NEDD4: variants seen among roughly 807,000 people sequenced by gnomAD.
The protein encoded by NEDD4 is NEDD4 E3 ubiquitin protein ligase.
NEDD4 carries 99 observed loss-of-function variants against 144.9 expected under a neutral mutation model. The ratio of observed to expected loss-of-function variants is 0.68; its 90% CI spans 0.58 to 0.81. The LOEUF is 0.81. Among genes scored for constraint, NEDD4 ranks in the 30% least tolerant of loss-of-function variants. The pLI is 0.00. For missense variants in NEDD4, 985 were observed against 1,065.9 expected (o/e 0.92, Z 1.06); for synonymous variants, 318 against 350.6 (o/e 0.91, Z 1.04).
At chr15:55,960,619 C>T (rs2037408987) in intron 2 of NEDD4, among the ~76,000 whole-genome samples, 1 of 152,284 alleles carries the variant, frequency 6.6e-6, no homozygotes, top group South Asian at 2.1e-4. Flanking sequence ...TGGGACATCA[C>T]TTTGTGATCA....
chr15:55,961,540 G>C (rs1423984105), intron 2 of NEDD4, among the ~76,000 whole-genome samples: 4 of 151,960 alleles, frequency 2.6e-5, no homozygotes, highest in Non-Finnish European at 4.4e-5. Flanking sequence ...GCCCCATCTT[G>C]GCTCACTGCA....
chr15:55,970,090 G>C (rs68111860), intron 1 of NEDD4, among the ~76,000 whole-genome samples: 22,677 of 151,900 alleles, frequency 0.15, 1,839 homozygotes, highest in East Asian at 0.32. Context: ...TTAAAGAGAC[G>C]TTGGGCCCTT....
chr15:55,927,690 A>G (rs1431390130), intron 4 of NEDD4, among the ~76,000 whole-genome samples: 2 of 152,142 alleles, frequency 1.3e-5, no homozygotes, highest in African/African-American at 2.4e-5. Flanking sequence ...TAAAAGGAGA[A>G]ATGACATAAT....
At chr15:55,903,060 T>C (rs1433451978) in intron 5 of NEDD4, among the ~76,000 whole-genome samples, 1 of 152,152 alleles carries the variant, frequency 6.6e-6, no homozygotes, top group African/African-American at 2.4e-5. Context: ...GGTTCTCTGG[T>C]AATGTTTAAT....
chr15:55,959,270 A>C (rs1454549134), intron 2 of NEDD4, among the ~76,000 whole-genome samples: 1 of 152,208 alleles, frequency 6.6e-6, no homozygotes, highest in African/African-American at 2.4e-5. Context: ...TAGATTATTT[A>C]GAAGTATACT....
At chr15:55,915,996 G>A in intron 5 of NEDD4, 5 of 1,613,842 alleles carry the variant, frequency 3.1e-6, no homozygotes, top group Non-Finnish European at 4.2e-6. Flanking sequence ...TGTTGGAGAA[G>A]TCGGTCGGGT....
chr15:55,889,129 C>T (rs1162678626), intron 5 of NEDD4, among the ~76,000 whole-genome samples: 1 of 152,060 alleles, frequency 6.6e-6, no homozygotes, highest in Admixed American at 6.6e-5. Context: ...TTTTGCACAG[C>T]CCACAATAAA....
In NEDD4 at chr15:55,933,304, G is replaced by T. The variant is rs185610376; in HGVS notation, c.238-8605C>A. ...CCAAATGTCCATCAATGATAGACTG[G>T]ATTAAGAAAATGTGGCAGATATACA... On this transcript the variant is annotated intron_variant, in intron 4 of 28. Coordinates refer to ENST00000435532, the MANE Select transcript of NEDD4 (RefSeq NM_006154.4). Among the ~76,000 whole-genome samples the T allele has an allele frequency of 8.0e-4, 122 of 152,112 alleles. 3 individuals carry two copies. The East Asian group carries it at 0.023, about 28-fold the overall frequency.
At chr15:55,985,909 T>C (rs2140452588) in intron 1 of NEDD4, among the ~76,000 whole-genome samples, 1 of 152,212 alleles carries the variant, frequency 6.6e-6, no homozygotes, top group East Asian at 1.9e-4. Flanking sequence ...CTAGGGAAAA[T>C]GGCTGATTGT....
chr15:55,948,557 T>A (rs2037169400), intron 4 of NEDD4, among the ~76,000 whole-genome samples: 1 of 152,026 alleles, frequency 6.6e-6, no homozygotes, highest in African/African-American at 2.4e-5. Flanking sequence ...CAAACTATAC[T>A]ACAAGGCTAC....
At chr15:55,965,625 T>C (rs1239015816) in intron 2 of NEDD4, among the ~76,000 whole-genome samples, 1 of 152,168 alleles carries the variant, frequency 6.6e-6, no homozygotes, top group Non-Finnish European at 1.5e-5. Flanking sequence ...ATTATTCTAC[T>C]TTCCACAACA....
chr15:55,838,637 T>A, intron 21 of NEDD4, 33 bp from the exon 22 acceptor site: 1 of 1,462,266 alleles, frequency 6.8e-7, no homozygotes, highest in East Asian at 2.3e-5. Flanking sequence ...TTAAAATTTG[T>A]ATCTATAACA....
intron 5 of NEDD4, among the ~76,000 whole-genome samples, chr15:55,910,948 A>G (rs1206770438): frequency 1.3e-5 from 2 of 152,018 alleles, no homozygotes; most frequent in East Asian, 3.9e-4. Flanking sequence ...CTTAACTATC[A>G]GCCGAAGACC....
At chr15:55,902,831 G>C (rs1299223967) in intron 5 of NEDD4, among the ~76,000 whole-genome samples, 1 of 152,022 alleles carries the variant, frequency 6.6e-6, no homozygotes. Context: ...GGAAGACAAG[G>C]AAGGAAATAT....
chr15:55,887,005 G>C (rs1455736707), intron 5 of NEDD4, among the ~76,000 whole-genome samples: 1 of 151,324 alleles, frequency 6.6e-6, no homozygotes, highest in Non-Finnish European at 1.5e-5. Context: ...CAGTACTCAG[G>C]GGAAAGTTTA....
intron 5 of NEDD4, among the ~76,000 whole-genome samples, chr15:55,878,928 T>C (rs1026208346): frequency 2.6e-5 from 4 of 152,364 alleles, no homozygotes; most frequent in Non-Finnish European, 5.9e-5. Flanking sequence ...GTTCAAGCGA[T>C]TCTTCTGCCT....
chr15:55,916,735 T>C lies in NEDD4; in HGVS notation c.291+7911A>G, dbSNP rs1912403. 137,502 of 1,614,000 alleles carry C rather than the reference T, an allele frequency of 0.085. 6,494 individuals are homozygous for C. Among genetic ancestry groups the C allele is most frequent in the Non-Finnish European group, 0.097 (114,521 of 1,179,878 alleles). On this transcript the variant is annotated intron_variant, in intron 5 of 28. Transcript: ENST00000435532. ...ATCCGTGTTGGTCTTTTGAAGCACA[T>C]GTGAACATGGCTATCCAAGTCATCT...
chr15:55,924,094 A>C (rs139250178), intron 5 of NEDD4, among the ~76,000 whole-genome samples: 2 of 152,332 alleles, frequency 1.3e-5, no homozygotes, highest in Non-Finnish European at 2.9e-5. Flanking sequence ...ATTTTATAAA[A>C]AGAACATCAG....
chr15:55,947,075 C>A (rs1168667306), intron 4 of NEDD4, among the ~76,000 whole-genome samples: 2 of 152,024 alleles, frequency 1.3e-5, no homozygotes, highest in African/African-American at 2.4e-5. Context: ...AAAATTGACA[C>A]CCTAACATCA....
Sources: allele counts gnomAD v4.1 joint callset (sites outside exome capture counted in the v4.1 genomes callset), GRCh38; gene constraint gnomAD v4.1.1; transcripts MANE v1.5; gene names NCBI Gene and HGNC (gene_info 2026-07-23, HGNC 2026-07-21).